The following RBMS3 variants were observed in gnomAD, a reference collection of about 807,000 sequenced individuals.
The protein encoded by RBMS3 is RNA-binding motif, single-stranded-interacting protein 3.
A neutral mutation model predicts 66.8 loss-of-function variants in RBMS3; 27 were observed. The ratio of observed to expected loss-of-function variants is 0.40; its 90% CI spans 0.30 to 0.56. The LOEUF (loss-of-function observed/expected upper bound fraction) is 0.56, where lower values mean the gene tolerates loss of function less well. Among genes scored for constraint, RBMS3 ranks in the 20% least tolerant of loss-of-function variants. RBMS3 has a pLI of 0.40. For synonymous variants in RBMS3, 188 were observed against 183.0 expected, an observed-to-expected ratio of 1.03 and a Z score of -0.22; for missense variants, 513 against 549.5, an observed-to-expected ratio of 0.93 and a Z score of 0.66.
intron 12 of RBMS3, among the ~76,000 whole-genome samples, chr3:29,978,990 GGCAT>G (rs66535074): frequency 0.026 from 3,909 of 152,118 alleles, 118 homozygotes; most frequent in East Asian, 0.17. Context: ...AGCATATCTA[GGCAT>G]GGTGGTGCAT....
intron 5 of RBMS3, among the ~76,000 whole-genome samples, chr3:29,740,109 C>T (rs2054570400): frequency 6.6e-6 from 1 of 151,860 alleles, no homozygotes; most frequent in Non-Finnish European, 1.5e-5. Context: ...GTTTATGTGT[C>T]TTGAGTCATA....
intron 1 of RBMS3, among the ~76,000 whole-genome samples, chr3:29,317,876 G>A (rs557840431): frequency 6.6e-6 from 1 of 151,738 alleles, no homozygotes; most frequent in African/African-American, 2.4e-5. Flanking sequence ...CCCTCCAGTG[G>A]AAATGAGTTA....
intron 12 of RBMS3, among the ~76,000 whole-genome samples, chr3:29,948,922 A>G (rs1695497482): frequency 6.6e-6 from 1 of 151,764 alleles, no homozygotes; most frequent in Non-Finnish European, 1.5e-5. Flanking sequence ...GTTATAAAGA[A>G]ATGTCATGTA....
At chr3:29,719,931 A>ATT (rs5847587) in intron 4 of RBMS3, among the ~76,000 whole-genome samples, 3 of 146,402 alleles carry the variant, frequency 2.0e-5, no homozygotes, top group Admixed American at 6.8e-5. Context: ...TTACAGATAC[A>ATT]TTTTTTTTTT....
intron 14 of RBMS3, among the ~76,000 whole-genome samples, chr3:29,997,241 A>C (rs903190361): frequency 6.6e-6 from 1 of 152,156 alleles, no homozygotes; most frequent in Non-Finnish European, 1.5e-5. Context: ...CTCTGAATAG[A>C]CCAATAACAG....
At chr3:29,357,584 A>G (rs1329386523) in intron 1 of RBMS3, among the ~76,000 whole-genome samples, 3 of 152,170 alleles carry the variant, frequency 2.0e-5, no homozygotes, top group African/African-American at 4.8e-5. Context: ...TGGCTGGGTC[A>G]AATGGTATTT....
chr3:29,665,811 T>C (rs2050729125), intron 4 of RBMS3, among the ~76,000 whole-genome samples: 1 of 152,218 alleles, frequency 6.6e-6, no homozygotes, highest in African/African-American at 2.4e-5. Context: ...AGGGATTCTA[T>C]ATGAAACTTA....
intron 7 of RBMS3, among the ~76,000 whole-genome samples, chr3:29,882,316 G>A (rs1050726301): frequency 6.6e-6 from 1 of 151,716 alleles, no homozygotes; most frequent in Non-Finnish European, 1.5e-5. Flanking sequence ...CTCTCCCATG[G>A]CAAAAAAACA....
At chr3:29,742,751 G>C (rs1480665926) in intron 5 of RBMS3, among the ~76,000 whole-genome samples, 1 of 152,112 alleles carries the variant, frequency 6.6e-6, no homozygotes, top group Admixed American at 6.6e-5. Flanking sequence ...TTGTTGGATG[G>C]ATGACTAGAT....
chr3:29,778,080 A>G (rs2056488704), intron 6 of RBMS3, among the ~76,000 whole-genome samples: 2 of 151,908 alleles, frequency 1.3e-5, no homozygotes, highest in Non-Finnish European at 2.9e-5. Context: ...GAAAATTTCC[A>G]TCAGGCTGTT....
intron 3 of RBMS3, among the ~76,000 whole-genome samples, chr3:29,578,479 T>C (rs1031429078): frequency 3.0e-4 from 46 of 152,222 alleles, no homozygotes; most frequent in African/African-American, 1.1e-3. Flanking sequence ...CCGTGTCTCA[T>C]AGTGACAGGG....
At chr3:29,630,022 A>G (rs1335274615) in intron 4 of RBMS3, among the ~76,000 whole-genome samples, 1 of 151,992 alleles carries the variant, frequency 6.6e-6, no homozygotes, top group African/African-American at 2.4e-5. Flanking sequence ...AAAAACCAAT[A>G]TATGTTTGTT....
At chr3:29,879,489 A>C (rs1373415435) in intron 7 of RBMS3, among the ~76,000 whole-genome samples, 1 of 152,306 alleles carries the variant, frequency 6.6e-6, no homozygotes, top group East Asian at 1.9e-4. Flanking sequence ...TGTGTGTATT[A>C]GCTTCTTGGA....
intron 1 of RBMS3, among the ~76,000 whole-genome samples, chr3:29,346,489 C>T (rs577488554): frequency 8.3e-4 from 125 of 149,722 alleles, no homozygotes; most frequent in Non-Finnish European, 1.5e-3. Context: ...CTGCAACCTC[C>T]GCCTCCCGGG....
At chr3:29,998,407 A>C (rs1220242391) in intron 14 of RBMS3, among the ~76,000 whole-genome samples, 1 of 142,852 alleles carries the variant, frequency 7.0e-6, no homozygotes, top group Non-Finnish European at 1.5e-5. Context: ...CAGAATTGGA[A>C]AAAACTACTT....
intron 7 of RBMS3, among the ~76,000 whole-genome samples, chr3:29,873,975 A>G (rs2059551065): frequency 6.6e-6 from 1 of 152,150 alleles, no homozygotes; most frequent in Non-Finnish European, 1.5e-5. Context: ...TTTGGCTGTC[A>G]CTAGCTGTTA....
At chr3:29,504,289 G>A (rs114766140) in intron 3 of RBMS3, among the ~76,000 whole-genome samples, 3,776 of 152,150 alleles carry the variant, frequency 0.025, 64 homozygotes, top group Middle Eastern at 0.045. Flanking sequence ...GGTCCAGGGA[G>A]CAGCAGCTCA....
chr3:29,358,713 T>C (rs1423780789), intron 1 of RBMS3, among the ~76,000 whole-genome samples: 1 of 152,186 alleles, frequency 6.6e-6, no homozygotes, highest in Non-Finnish European at 1.5e-5. Flanking sequence ...GTGTCCTCTT[T>C]TATTTGGTTG....
chr3:29,970,699 T>C (rs1697171659), intron 12 of RBMS3, among the ~76,000 whole-genome samples: 1 of 152,212 alleles, frequency 6.6e-6, no homozygotes, highest in Non-Finnish European at 1.5e-5. Flanking sequence ...ATTTGAGTTT[T>C]CAAGGGCATT....
Sources: allele counts gnomAD v4.1 joint callset (sites outside exome capture counted in the v4.1 genomes callset), GRCh38; gene constraint gnomAD v4.1.1; transcripts MANE v1.5; gene names NCBI Gene and HGNC (gene_info 2026-07-23, HGNC 2026-07-21).